Variants in CDK5RAP2 observed in about 807,000 individuals in gnomAD.
The protein encoded by CDK5RAP2 is CDK5 regulatory subunit associated protein 2.
CDK5RAP2 carries 147 observed loss-of-function variants against 232.9 expected under a neutral mutation model. The observed-to-expected ratio is 0.63, with a 90% CI of 0.55 to 0.72. CDK5RAP2 has a LOEUF of 0.72. Ranked by LOEUF, CDK5RAP2 falls within the 30% of genes least tolerant of loss-of-function variation. The pLI is 0.00. For synonymous variants in CDK5RAP2, 833 were observed against 833.7 expected, an observed-to-expected ratio of 1.00 and a Z score of 0.01; for missense variants, 2,195 against 2,231.5, an observed-to-expected ratio of 0.98 and a Z score of 0.33.
At chr9:120,429,729 T>A (rs1453951905) in intron 25 of CDK5RAP2, among the ~76,000 whole-genome samples, 1 of 152,196 alleles carries the variant, frequency 6.6e-6, no homozygotes, top group Non-Finnish European at 1.5e-5. Context: ...AAGCTACCAA[T>A]GACTTTCTTC....
chr9:120,478,515 T>C lies in CDK5RAP2; in HGVS notation c.1627-1065A>G, dbSNP rs2038139572. ...GGCCAGGCACAGCGGCTCACACCTATAATCCCAGCTCTGTGGGAGGCCAAG... is the reference window on the plus strand; with the variant it reads ...GGCCAGGCACAGCGGCTCACACCTACAATCCCAGCTCTGTGGGAGGCCAAG... On this transcript the variant is annotated intron_variant, in intron 14 of 37. Transcript: ENST00000349780. 2.0e-5 allele frequency among the ~76,000 whole-genome samples: 3 copies of C among 152,164 alleles called. No individual in the cohort carries two copies. In the South Asian group the frequency reaches 6.2e-4, roughly 32 times the overall value.
chr9:120,461,848 C>T (rs533107636), intron 18 of CDK5RAP2, among the ~76,000 whole-genome samples: 2 of 152,142 alleles, frequency 1.3e-5, no homozygotes, highest in African/African-American at 4.8e-5. Flanking sequence ...GTCTCGAAAG[C>T]AAAAACAAAA....
At chr9:120,477,200 C>T (rs2038061981) in intron 15 of CDK5RAP2, 150 bp downstream of exon 15, 11 of 710,902 alleles carry the variant, frequency 1.5e-5, no homozygotes, top group Non-Finnish European at 2.6e-5. Context: ...ATAGGGCAGT[C>T]GCCACCCAAG....
intron 12 of CDK5RAP2, among the ~76,000 whole-genome samples, chr9:120,498,590 T>C (rs2039427924): frequency 1.3e-5 from 2 of 152,276 alleles, no homozygotes; most frequent in African/African-American, 2.4e-5. Context: ...TCAATGTTAA[T>C]TTCCTGATAC....
chr9:120,568,818 T>C (rs371367808), intron 2 of CDK5RAP2, among the ~76,000 whole-genome samples: 7 of 152,276 alleles, frequency 4.6e-5, no homozygotes, highest in Admixed American at 3.9e-4. Context: ...TTGTGGGCCA[T>C]ACACAAAGCC....
intron 5 of CDK5RAP2, among the ~76,000 whole-genome samples, chr9:120,541,703 G>A (rs963455149): frequency 3.9e-5 from 6 of 152,242 alleles, no homozygotes; most frequent in South Asian, 4.1e-4. Context: ...CCCACTCCTC[G>A]AACCTTGGTT....
chr9:120,512,018 G>A (rs1487338172), intron 12 of CDK5RAP2, among the ~76,000 whole-genome samples: 2 of 152,042 alleles, frequency 1.3e-5, no homozygotes, highest in Non-Finnish European at 2.9e-5. Flanking sequence ...GATTACAGGC[G>A]TGAGCCACCG....
At chr9:120,436,838 T>C (rs1007766456) in intron 25 of CDK5RAP2, among the ~76,000 whole-genome samples, 1 of 152,208 alleles carries the variant, frequency 6.6e-6, no homozygotes, top group Non-Finnish European at 1.5e-5. Context: ...CTGGCCATCC[T>C]TAACTCTTCG....
At position 120,491,427 on chromosome 9, in the gene CDK5RAP2, C is replaced by T. The variant is rs755158466; in HGVS notation, c.1362G>A (p.Glu454=). 25 of 1,612,168 alleles carry T rather than the reference C, an allele frequency of 1.6e-5. No individual in the cohort carries two copies. The Admixed American group carries it at 3.8e-4, about 25-fold the overall frequency. ...TCTTGTAACGATTTTCCATTGCTTTCTCTCTTTCATTCACTTCATTGCGTA... is the reference window on the plus strand; with the variant it reads ...TCTTGTAACGATTTTCCATTGCTTTTTCTCTTTCATTCACTTCATTGCGTA... ...EKLRNEVNER[E]KAMENRYKSL... The change falls in exon 13 of 38, where the codon GAG becomes GAA. Residue 454 remains glutamate, a synonymous_variant. Coordinates refer to ENST00000349780, the MANE Select transcript of CDK5RAP2 (RefSeq NM_018249.6).
chr9:120,521,912 T>A (rs1172648769), intron 11 of CDK5RAP2, among the ~76,000 whole-genome samples: 1 of 152,222 alleles, frequency 6.6e-6, no homozygotes, highest in African/African-American at 2.4e-5. Context: ...CCCAAAGTGC[T>A]GGGATTACAG....
chr9:120,533,258 G>A (rs1453510983), intron 7 of CDK5RAP2, among the ~76,000 whole-genome samples: 4 of 152,000 alleles, frequency 2.6e-5, no homozygotes, highest in East Asian at 3.9e-4. Context: ...TTCCCAGCAC[G>A]CATTCCCAAG....
At chr9:120,576,115 C>G (rs781322953) in intron 1 of CDK5RAP2, among the ~76,000 whole-genome samples, 1 of 152,184 alleles carries the variant, frequency 6.6e-6, no homozygotes, top group African/African-American at 2.4e-5. Context: ...CTGAAAGATA[C>G]TTTTGAAAGG....
chr9:120,558,482 C>T (rs991683311), intron 3 of CDK5RAP2, among the ~76,000 whole-genome samples: 3 of 148,094 alleles, frequency 2.0e-5, no homozygotes, highest in Admixed American at 1.4e-4. Context: ...CCTGGTTAAA[C>T]CCTCTATTAG....
chr9:120,415,903 G>GT lies in CDK5RAP2; in HGVS notation c.4178-745dup, dbSNP rs2034183549. Among the ~76,000 whole-genome samples, 6 of 152,218 alleles carry GT rather than the reference G, an allele frequency of 3.9e-5. No homozygotes were observed. In the South Asian group the frequency reaches 1.2e-3, roughly 32 times the overall value. ...CATAAGAACTGAAGTAACTCCAAAT[G>GT]TAACTGTAGTACATTCATGATGATG... On this transcript the variant is annotated intron_variant, in intron 27 of 37. Coordinates refer to ENST00000349780, the MANE Select transcript of CDK5RAP2 (RefSeq NM_018249.6).
chr9:120,483,070 C>G (rs148457861), intron 14 of CDK5RAP2, among the ~76,000 whole-genome samples: 2 of 152,288 alleles, frequency 1.3e-5, no homozygotes, highest in Non-Finnish European at 2.9e-5. Context: ...CAACCAACCC[C>G]CACTCTCCCC....
intron 7 of CDK5RAP2, among the ~76,000 whole-genome samples, chr9:120,531,673 T>C (rs2041158498): frequency 6.6e-6 from 1 of 152,206 alleles, no homozygotes. Context: ...CAGAATAGCC[T>C]TTCTGCAGCT....
chr9:120,499,249 G>C (rs1375372257), intron 12 of CDK5RAP2, among the ~76,000 whole-genome samples: 1 of 152,166 alleles, frequency 6.6e-6, no homozygotes, highest in African/African-American at 2.4e-5. Context: ...TGAAAAGGAG[G>C]GAGTGAGGGG....
At chr9:120,525,829 G>A (rs2040875254) in intron 10 of CDK5RAP2, among the ~76,000 whole-genome samples, 1 of 152,066 alleles carries the variant, frequency 6.6e-6, no homozygotes, top group African/African-American at 2.4e-5. Flanking sequence ...TGTTGCCCAG[G>A]CTGGTCTCAA....
At chr9:120,454,011 G>A (rs2036619063) in intron 20 of CDK5RAP2, 138 bp from the exon 21 acceptor site, 1 of 841,146 alleles carries the variant, frequency 1.2e-6, no homozygotes, top group Admixed American at 2.0e-5. Context: ...CCCACAACGT[G>A]CCAGGGCCCA....
Sources: allele counts gnomAD v4.1 joint callset (sites outside exome capture counted in the v4.1 genomes callset), GRCh38; gene constraint gnomAD v4.1.1; transcripts MANE v1.5; gene names NCBI Gene and HGNC (gene_info 2026-07-23, HGNC 2026-07-21).